Variants in NEK10 observed in about 807,000 individuals in gnomAD.
NEK10 encodes the protein serine/threonine-protein kinase Nek10.
Under a neutral mutation model 159.8 loss-of-function variants are expected in NEK10, and 122 were observed. The ratio of observed to expected loss-of-function variants is 0.76; its 90% CI spans 0.66 to 0.89. The LOEUF (loss-of-function observed/expected upper bound fraction) is 0.89. NEK10 is among the 40% of genes least tolerant of loss of function. The pLI, the probability that NEK10 is intolerant of heterozygous loss-of-function variation, is 0.00. For synonymous variants in NEK10, 466 were observed against 457.1 expected (o/e 1.02, Z -0.25); for missense variants, 1,342 against 1,323.1 (o/e 1.01, Z -0.22).
intron 1 of NEK10, among the ~76,000 whole-genome samples, chr3:27,359,148 G>A (rs1416658665): frequency 6.1e-5 from 9 of 148,020 alleles, no homozygotes; most frequent in Non-Finnish European, 5.9e-5. Flanking sequence ...GTTGCAGTGA[G>A]CCGAGACCGT....
At chr3:27,205,226 A>G (rs9758568) in intron 23 of NEK10, among the ~76,000 whole-genome samples, 31,096 of 144,292 alleles carry the variant, frequency 0.22, 3,641 homozygotes, top group Middle Eastern at 0.34. Flanking sequence ...ACAAATGGAT[A>G]AACATTCCAT....
In NEK10 at chr3:27,307,911, T is replaced by C. The variant is rs564999521; in HGVS notation, c.751A>G (p.Ile251Val). The change falls in exon 11 of 36, where the codon ATT (isoleucine) becomes GTT (valine). Residue 251 changes from isoleucine (I) to valine (V), a missense_variant. Coordinates refer to ENST00000691995, the MANE Select transcript of NEK10 (RefSeq NM_001394966.1). The part of the protein sequence containing the change: ...ECREKISELN[I>V]VENLLMILHE... ...AAAATCATCAACAGATTTTCTACAA[T>C]GTTGAGTTCACTTATCTTCTCCCTA... is the stretch of plus-strand genomic sequence containing the variant. 1.2e-5 allele frequency: 18 copies of C among 1,557,428 alleles called. No individual in the cohort carries two copies. In the South Asian group the frequency reaches 2.0e-4, roughly 17 times the overall value.
At chr3:27,301,623 A>C in intron 13 of NEK10, 73 bp downstream of exon 13, 1 of 1,229,406 alleles carries the variant, frequency 8.1e-7, no homozygotes, top group Non-Finnish European at 1.2e-6. Flanking sequence ...TAACACTACT[A>C]CACTAATCTA....
At chr3:27,364,524 G>C (rs958240791) in intron 1 of NEK10, among the ~76,000 whole-genome samples, 2 of 151,996 alleles carry the variant, frequency 1.3e-5, no homozygotes, top group Non-Finnish European at 2.9e-5. Flanking sequence ...CACAGCACCC[G>C]GCCATGTATT....
intron 23 of NEK10, chr3:27,255,256 A>T: frequency 2.4e-6 from 1 of 425,308 alleles, no homozygotes; most frequent in South Asian, 1.8e-5. Flanking sequence ...GCAGCTTACA[A>T]GGTACATGTT....
At position 27,307,919 on chromosome 3, in the gene NEK10, T is replaced by G; in HGVS notation, c.743A>C (p.Glu248Ala). ...CAACAGATTTTCTACAATGTTGAGT[T>G]CACTTATCTTCTCCCTACATTCTTG... is the stretch of plus-strand genomic sequence containing the variant. The part of the protein sequence containing the change: ...ESQECREKIS[E>A]LNIVENLLMI... Residue 248 changes from glutamate (E) to alanine (A), a missense_variant, in exon 11 of 36, where the codon GAA becomes GCA. Coordinates refer to ENST00000691995, the MANE Select transcript of NEK10 (RefSeq NM_001394966.1). 6.5e-7 allele frequency: 1 copy of G among 1,531,608 alleles called. No homozygotes were observed. Among genetic ancestry groups the G allele is most frequent in the Non-Finnish European group, 9.0e-7 (1 of 1,106,162 alleles). The allele number at this position is 1,531,608 out of a possible 1,614,324, so 94.9% of individuals were successfully genotyped here.
At chr3:27,365,607 T>TGG (rs2049006976) in intron 1 of NEK10, among the ~76,000 whole-genome samples, 2 of 74,528 alleles carry the variant, frequency 2.7e-5, no homozygotes, top group Non-Finnish European at 5.7e-5. Flanking sequence ...GTTTTTTTTT[T>TGG]GTGTTTTTTT....
rs144416401 is a variant in NEK10 at position 27,218,094 on chromosome 3, G to C, written c.2091-15537C>G. Reference sequence around the variant, plus strand: ...TTGACCTGATCACTGAGATAGCTAAGTGACTACTGTGTAGATAGAGCATGC... The same window carrying C: ...TTGACCTGATCACTGAGATAGCTAACTGACTACTGTGTAGATAGAGCATGC... On this transcript the variant is annotated intron_variant, in intron 23 of 35. Coordinates refer to ENST00000691995, the MANE Select transcript of NEK10 (RefSeq NM_001394966.1). Among the ~76,000 whole-genome samples, 8 of 152,332 alleles carry C rather than the reference G, an allele frequency of 5.3e-5. No individual in the cohort carries two copies. In the East Asian group the frequency reaches 1.5e-3, roughly 29 times the overall value.
chr3:27,211,874 T>A (rs1227691079), intron 23 of NEK10, among the ~76,000 whole-genome samples: 2 of 152,356 alleles, frequency 1.3e-5, no homozygotes, highest in East Asian at 1.9e-4. Context: ...GACTATTTTT[T>A]AAAATAACAT....
chr3:27,309,301 G>A (rs1455482245), intron 9 of NEK10: 2 of 174,946 alleles, frequency 1.1e-5, no homozygotes, highest in Non-Finnish European at 2.4e-5. Flanking sequence ...AACACTTTTT[G>A]TCAATATAAT....
chr3:27,155,335 C>T (rs547365835), intron 30 of NEK10, among the ~76,000 whole-genome samples: 2 of 151,926 alleles, frequency 1.3e-5, no homozygotes, highest in South Asian at 4.2e-4. Flanking sequence ...AACCCTGTCT[C>T]TACTAAAAAT....
intron 11 of NEK10, among the ~76,000 whole-genome samples, chr3:27,306,091 T>A (rs1388189165): frequency 6.6e-6 from 1 of 152,190 alleles, no homozygotes; most frequent in East Asian, 1.9e-4. Context: ...TCTTGACTCA[T>A]GGCACCACAA....
At chr3:27,206,397 T>C (rs1442011426) in intron 23 of NEK10, among the ~76,000 whole-genome samples, 1 of 152,032 alleles carries the variant, frequency 6.6e-6, no homozygotes, top group East Asian at 1.9e-4. Flanking sequence ...TTTTAATAAG[T>C]GAAAAATGCT....
intron 23 of NEK10, among the ~76,000 whole-genome samples, chr3:27,254,475 G>A (rs993799037): frequency 2.6e-5 from 4 of 152,078 alleles, no homozygotes; most frequent in Non-Finnish European, 4.4e-5. Flanking sequence ...TGCTTTTGGA[G>A]AATCCCAAAT....
At chr3:27,245,725 C>T (rs192832895) in intron 23 of NEK10, among the ~76,000 whole-genome samples, 1 of 152,256 alleles carries the variant, frequency 6.6e-6, no homozygotes, top group Admixed American at 6.5e-5. Flanking sequence ...CTGAAATATA[C>T]ATCTCTCCAT....
chr3:27,127,137 T>C (rs943560760), intron 32 of NEK10, among the ~76,000 whole-genome samples: 1 of 152,178 alleles, frequency 6.6e-6, no homozygotes, highest in East Asian at 1.9e-4. Flanking sequence ...TGTTCAATCT[T>C]GCTTCATTTA....
chr3:27,257,815 G>A lies in NEK10; in HGVS notation c.2015-1444C>T, dbSNP rs575295633. Among the ~76,000 whole-genome samples the A allele has an allele frequency of 4.4e-4, 62 of 142,154 alleles. 1 individual carries two copies. The East Asian group carries it at 0.011, about 26-fold the overall frequency. 93.3% of individuals were successfully genotyped at this position (142,154 alleles called of 152,430 possible). On this transcript the variant is annotated intron_variant, in intron 22 of 35. Coordinates refer to ENST00000691995, the MANE Select transcript of NEK10 (RefSeq NM_001394966.1). ...TTTTTTTTTTTTTTTTTGAGACGGA[G>A]TCTCACTCTGTCACCTAGTCTGGAG...
chr3:27,322,158 T>C lies in NEK10; in HGVS notation c.447+19A>G. The C allele has an allele frequency of 8.0e-7, 1 of 1,246,036 alleles. No individual in the cohort carries two copies. The highest frequency in any genetic ancestry group is 1.1e-6 in the Non-Finnish European group (1 of 900,806). 77.2% of individuals were successfully genotyped at this position (1,246,036 alleles called of 1,614,324 possible). On this transcript the variant is annotated intron_variant, in intron 6 of 35. Coordinates refer to ENST00000691995, the MANE Select transcript of NEK10 (RefSeq NM_001394966.1). ...ACTTTATAACAAGTAAAAAAAAAAA[T>C]TGTATTTTTCCAACCAACCTGATAA...
intron 25 of NEK10, 119 bp from the exon 26 acceptor site, chr3:27,192,361 C>G (rs776021340): frequency 5.6e-6 from 4 of 712,944 alleles, no homozygotes; most frequent in African/African-American, 1.8e-5. Flanking sequence ...CCTAAGATAA[C>G]CTGGGATAAG....
Sources: allele counts gnomAD v4.1 joint callset (sites outside exome capture counted in the v4.1 genomes callset), GRCh38; gene constraint gnomAD v4.1.1; transcripts MANE v1.5; gene names NCBI Gene and HGNC (gene_info 2026-07-23, HGNC 2026-07-21).